The following SPAG16 variants were observed in gnomAD, a reference collection of about 807,000 sequenced individuals.
SPAG16 encodes sperm-associated antigen 16 protein.
In SPAG16, 86 loss-of-function variants were observed where a neutral mutation model predicts 80.4. That is an observed-to-expected ratio of 1.07 (90% CI 0.90 to 1.28). The LOEUF (loss-of-function observed/expected upper bound fraction) is 1.28, where lower values mean the gene tolerates loss of function less well. SPAG16 is among the 50% of genes most tolerant of loss of function. The probability of loss-of-function intolerance (pLI) is 0.00; values close to 1 mark genes in which losing one functional copy is unlikely to be tolerated. For missense variants in SPAG16, 870 were observed against 765.3 expected (o/e 1.14, Z -1.61); for synonymous variants, 294 against 265.9 (o/e 1.11, Z -1.03).
chr2:213,824,520 T>C (rs2073150601), intron 10 of SPAG16, among the ~76,000 whole-genome samples: 1 of 152,226 alleles, frequency 6.6e-6, no homozygotes. Context: ...TTGTGTGTTC[T>C]TAGCACTTGT....
intron 15 of SPAG16, among the ~76,000 whole-genome samples, chr2:214,210,344 G>A (rs1242437003): frequency 6.6e-6 from 1 of 151,950 alleles, no homozygotes; most frequent in South Asian, 2.1e-4. Flanking sequence ...AAAAAAACTT[G>A]CAGATGAACC....
chr2:213,889,711 A>G (rs567556537), intron 11 of SPAG16, among the ~76,000 whole-genome samples: 2 of 136,022 alleles, frequency 1.5e-5, no homozygotes, highest in South Asian at 5.0e-4. Flanking sequence ...ACATATATAT[A>G]CATATGCATA....
At chr2:213,346,593 G>C (rs1304492287) in intron 6 of SPAG16, among the ~76,000 whole-genome samples, 1 of 152,120 alleles carries the variant, frequency 6.6e-6, no homozygotes, top group African/African-American at 2.4e-5. Context: ...TAGCATGAAG[G>C]TTGTTCAATT....
chr2:213,909,945 G>A (rs78414564), intron 11 of SPAG16, among the ~76,000 whole-genome samples: 1,578 of 152,182 alleles, frequency 0.01, 35 homozygotes, highest in African/African-American at 0.035. Flanking sequence ...TACATTAAAG[G>A]TATCTCAAAT....
intron 9 of SPAG16, among the ~76,000 whole-genome samples, chr2:213,380,887 G>A (rs922623173): frequency 6.6e-6 from 1 of 152,138 alleles, no homozygotes; most frequent in Non-Finnish European, 1.5e-5. Context: ...CAGCCCTTCG[G>A]GTCACTCGAT....
At chr2:213,468,450 GATAT>G in intron 9 of SPAG16, among the ~76,000 whole-genome samples, 1 of 121,080 alleles carries the variant, frequency 8.3e-6, no homozygotes, top group Admixed American at 8.3e-5. Flanking sequence ...TTTATATATA[GATAT>G]ATATATCTCT....
intron 5 of SPAG16, among the ~76,000 whole-genome samples, chr2:213,338,900 GA>G (rs1341243148): frequency 6.6e-6 from 1 of 151,982 alleles, no homozygotes; most frequent in Non-Finnish European, 1.5e-5. Context: ...GGAGCATTAG[GA>G]AAAATAGCGA....
intron 13 of SPAG16, among the ~76,000 whole-genome samples, chr2:214,048,408 A>G (rs1407957161): frequency 2.6e-5 from 4 of 152,204 alleles, no homozygotes; most frequent in African/African-American, 9.6e-5. Flanking sequence ...ACTTGCAACA[A>G]CATGGATGAA....
chr2:213,295,957 TC>T, intron 1 of SPAG16, 106 bp from the exon 2 acceptor site: 1 of 875,438 alleles, frequency 1.1e-6, no homozygotes, highest in East Asian at 2.5e-5. Context: ...TTTACCAACT[TC>T]CTGGTGAGAT....
At chr2:213,779,670 A>G (rs571430477) in intron 10 of SPAG16, among the ~76,000 whole-genome samples, 2 of 152,332 alleles carry the variant, frequency 1.3e-5, no homozygotes, top group East Asian at 1.9e-4. Context: ...GATGATTGAC[A>G]TATCTGGAGC....
At chr2:213,847,516 G>C in intron 10 of SPAG16, among the ~76,000 whole-genome samples, 1 of 152,086 alleles carries the variant, frequency 6.6e-6, no homozygotes, top group Non-Finnish European at 1.5e-5. Flanking sequence ...GATCTCATGT[G>C]AACTAAGAGG....
chr2:213,679,986 A>G (rs1413600017), intron 10 of SPAG16, among the ~76,000 whole-genome samples: 7 of 152,148 alleles, frequency 4.6e-5, no homozygotes, highest in Admixed American at 1.3e-4. Flanking sequence ...GATTGTACAG[A>G]TGAAATTGAT....
At chr2:213,613,280 T>C (rs1226493474) in intron 10 of SPAG16, among the ~76,000 whole-genome samples, 1 of 152,216 alleles carries the variant, frequency 6.6e-6, no homozygotes, top group East Asian at 1.9e-4. Flanking sequence ...TTGTACTCCT[T>C]GGCTCACAAA....
intron 10 of SPAG16, among the ~76,000 whole-genome samples, chr2:213,746,695 T>C (rs937768944): frequency 3.3e-5 from 5 of 151,962 alleles, no homozygotes; most frequent in Non-Finnish European, 5.9e-5. Context: ...TAGTCCCAGT[T>C]ACTAGGGTGG....
At chr2:214,037,038 C>T (rs140142877) in intron 13 of SPAG16, among the ~76,000 whole-genome samples, 240 of 151,764 alleles carry the variant, frequency 1.6e-3, no homozygotes, top group African/African-American at 5.2e-3. Flanking sequence ...TATTTCCTTT[C>T]TTGTGTTGTC....
At chr2:213,390,380 A>G (rs1184500971) in intron 9 of SPAG16, among the ~76,000 whole-genome samples, 1 of 152,242 alleles carries the variant, frequency 6.6e-6, no homozygotes, top group Non-Finnish European at 1.5e-5. Context: ...GTTTTATGTT[A>G]TGCCATTAAT....
chr2:213,863,819 A>G lies in SPAG16; in HGVS notation c.1214+1191A>G, dbSNP rs769451837. Among the ~76,000 whole-genome samples the G allele has an allele frequency of 3.0e-4, 45 of 152,288 alleles. No homozygotes were observed. In the Middle Eastern group the frequency reaches 0.01, roughly 35 times the overall value. ...TGTTTGACCAGCAATGGTCCTTTTA[A>G]TAGATCTTCCTGTTTTCCCATTCAA... On this transcript the variant is annotated intron_variant, in intron 11 of 15. Transcript: ENST00000331683.
At chr2:213,899,988 G>A (rs1025069689) in intron 11 of SPAG16, among the ~76,000 whole-genome samples, 2 of 152,118 alleles carry the variant, frequency 1.3e-5, no homozygotes, top group African/African-American at 4.8e-5. Flanking sequence ...CAGAGATTGC[G>A]AAGAAAGTAT....
intron 15 of SPAG16, among the ~76,000 whole-genome samples, chr2:214,329,479 C>G (rs542092873): frequency 6.6e-6 from 1 of 152,066 alleles, no homozygotes; most frequent in Non-Finnish European, 1.5e-5. Context: ...AGCAACAGCA[C>G]AAAGAGGTAA....
Sources: allele counts gnomAD v4.1 joint callset (sites outside exome capture counted in the v4.1 genomes callset), GRCh38; gene constraint gnomAD v4.1.1; transcripts MANE v1.5; gene names NCBI Gene and HGNC (gene_info 2026-07-23, HGNC 2026-07-21).